The following NF1 variants were observed in gnomAD, a reference collection of about 807,000 sequenced individuals.
NF1 encodes the protein neurofibromin.
NF1 carries 122 observed loss-of-function variants against 325.7 expected under a neutral mutation model. The observed-to-expected ratio is 0.37, with a 90% CI of 0.32 to 0.44. The LOEUF (loss-of-function observed/expected upper bound fraction) is 0.44, where lower values mean the gene tolerates loss of function less well. Ranked by LOEUF, NF1 falls within the 20% of genes least tolerant of loss-of-function variation. The pLI is 1.00. For synonymous variants in NF1, 1,091 were observed against 1,186.0 expected (o/e 0.92, Z 1.65); for missense variants, 2,140 against 3,415.4 (o/e 0.63, Z 9.31).
At chr17:31,296,920 A>C (rs1212872088) in intron 36 of NF1, 1 of 153,186 alleles carries the variant, frequency 6.5e-6, no homozygotes, top group Non-Finnish European at 1.5e-5. Flanking sequence ...TAAACCTCAC[A>C]TTTTATAAAG....
At chr17:31,326,441 A>G (rs2069344218) in intron 37 of NF1, among the ~76,000 whole-genome samples, 189 bp downstream of exon 37, 1 of 152,170 alleles carries the variant, frequency 6.6e-6, no homozygotes, top group Admixed American at 6.5e-5. Flanking sequence ...TGAGGTCAGG[A>G]GTTCAAGACC....
chr17:31,185,067 T>G (rs2066214401), intron 8 of NF1, among the ~76,000 whole-genome samples: 2 of 152,232 alleles, frequency 1.3e-5, no homozygotes, highest in Admixed American at 1.3e-4. Context: ...TGAGCCATGC[T>G]GCCATCAGCC....
intron 36 of NF1, chr17:31,318,903 A>C: frequency 6.2e-7 from 1 of 1,614,084 alleles, no homozygotes; most frequent in Middle Eastern, 1.6e-4. Flanking sequence ...AAGTACTGTT[A>C]GCCCACAGAC....
chr17:31,230,044 G>A (rs2151431043), intron 22 of NF1, 70 bp downstream of exon 22: 1 of 1,570,794 alleles, frequency 6.4e-7, no homozygotes, highest in Non-Finnish European at 8.7e-7. Context: ...CACTGATACT[G>A]GTAGTAATTG....
At chr17:31,337,004 G>A in intron 42 of NF1, 90 bp downstream of exon 42, 4 of 1,385,442 alleles carry the variant, frequency 2.9e-6, no homozygotes, top group Admixed American at 1.8e-5. Flanking sequence ...TTATGTTTGT[G>A]CTCTAACACC....
chr17:31,107,022 C>A (rs1011748958), intron 1 of NF1, among the ~76,000 whole-genome samples: 2 of 152,008 alleles, frequency 1.3e-5, no homozygotes, highest in African/African-American at 4.8e-5. Flanking sequence ...ATGAAGATTC[C>A]TGGATGTGGT....
intron 51 of NF1, among the ~76,000 whole-genome samples, chr17:31,355,461 T>G (rs570864510): frequency 6.6e-6 from 1 of 152,204 alleles, no homozygotes; most frequent in South Asian, 2.1e-4. Context: ...CTATTATGAA[T>G]AGTTATTCAT....
Position 31,096,136 on chromosome 17 carries a change from C to A in NF1, c.60+767C>A, listed in dbSNP as rs371722211. 6.0e-5 allele frequency among the ~76,000 whole-genome samples: 9 copies of A among 151,236 alleles called. No individual in the cohort carries two copies. The East Asian group carries it at 1.2e-3, about 20-fold the overall frequency. On this transcript the variant is annotated intron_variant, in intron 1 of 57. Coordinates refer to ENST00000358273, the MANE Select transcript of NF1 (RefSeq NM_001042492.3). Reference sequence around the variant, plus strand: ...CCTTGATAATTGCAGTCTCTTCCCCCCCCCCTTTTTTTTTTGCCAGCGGTC... The same window carrying A: ...CCTTGATAATTGCAGTCTCTTCCCCACCCCCTTTTTTTTTTGCCAGCGGTC...
Position 31,327,742 on chromosome 17 carries a change from T to TCTATCCCCCAA in NF1, c.5514_5524dup (p.His1842LeufsTer25). The TCTATCCCCCAA allele has an allele frequency of 6.2e-7, 1 of 1,614,136 alleles. No homozygotes were observed. The highest frequency in any genetic ancestry group is 8.5e-7 in the Non-Finnish European group (1 of 1,179,982). ...CCGCTGGGAACTGTCACAGCCCGACTCTATCCCCCAACACACCAAGATTCG... is the reference window on the plus strand; with the variant it reads ...CCGCTGGGAACTGTCACAGCCCGACTCTATCCCCCAACTATCCCCCAACACACCAAGATTCG... On this transcript the variant is annotated frameshift_variant, in exon 38 of 58. Coordinates refer to ENST00000358273, the MANE Select transcript of NF1 (RefSeq NM_001042492.3). LOFTEE classifies it high-confidence loss of function.
intron 1 of NF1, among the ~76,000 whole-genome samples, chr17:31,141,300 G>A (rs1234402216): frequency 6.7e-6 from 1 of 149,148 alleles, no homozygotes; most frequent in Non-Finnish European, 1.5e-5. Flanking sequence ...CATAGAAGGT[G>A]TTAATCTTGT....
chr17:31,218,980 T>A (rs781179983), intron 13 of NF1, 25 bp from the exon 14 acceptor site: 1 of 1,588,972 alleles, frequency 6.3e-7, no homozygotes, highest in Admixed American at 1.7e-5. Flanking sequence ...TTTTTTTAAT[T>A]GAAGTTTCCT....
At chr17:31,302,456 A>T (rs1428300663) in intron 36 of NF1, among the ~76,000 whole-genome samples, 1 of 152,210 alleles carries the variant, frequency 6.6e-6, no homozygotes, top group African/African-American at 2.4e-5. Flanking sequence ...ATAAAAACAT[A>T]TCTTATTTAC....
chr17:31,138,167 G>GTA (rs1915917344), intron 1 of NF1: 2 of 151,884 alleles, frequency 1.3e-5, no homozygotes, highest in South Asian at 4.2e-4. Context: ...GATTACTCAT[G>GTA]TAATGTTTTA....
chr17:31,127,932 G>A (rs1257932253), intron 1 of NF1, among the ~76,000 whole-genome samples: 1 of 150,922 alleles, frequency 6.6e-6, no homozygotes, highest in Admixed American at 6.6e-5. Context: ...TATTTTTTTT[G>A]TACATTGACC....
Position 31,330,487 on chromosome 17 carries a change from T to G in NF1, c.5801T>G (p.Phe1934Cys), listed in dbSNP as rs2151544987. The change falls in exon 39 of 58, where the codon TTT becomes TGT. Residue 1934 changes from phenylalanine (F) to cysteine (C), a missense_variant. This residue lies in a region of NF1 where 180 missense variants were observed against 435.1 expected (regional missense o/e 0.41). Transcript: ENST00000358273. ...TTTTTGGAAGAGTGTATTTCTGGAT[T>G]TAGCAAATCTAGTAAGTAATGATAA... ...LEFLEECISG[F>C]SKSSIELKHL... 1 of 1,609,302 alleles carries G rather than the reference T, an allele frequency of 6.2e-7. No homozygotes were observed. Among genetic ancestry groups the G allele is most frequent in the Non-Finnish European group, 8.5e-7 (1 of 1,175,750 alleles).
intron 8 of NF1, 24 bp downstream of exon 8, chr17:31,182,689 A>G: frequency 6.2e-7 from 1 of 1,604,602 alleles, no homozygotes; most frequent in Non-Finnish European, 8.5e-7. Context: ...AATTATTTCC[A>G]TTATATCTAG....
chr17:31,269,454 T>C (rs549603694), intron 36 of NF1, among the ~76,000 whole-genome samples: 11 of 152,208 alleles, frequency 7.2e-5, no homozygotes, highest in South Asian at 4.1e-4. Context: ...GAATAAATGA[T>C]GATACATTTA....
chr17:31,117,131 C>T (rs1480918850), intron 1 of NF1, among the ~76,000 whole-genome samples: 4 of 151,636 alleles, frequency 2.6e-5, no homozygotes, highest in Non-Finnish European at 2.9e-5. Context: ...ACAGGCGTGC[C>T]GCCACGCCTG....
At chr17:31,173,611 AAG>A (rs2065969772) in intron 5 of NF1, among the ~76,000 whole-genome samples, 1 of 151,458 alleles carries the variant, frequency 6.6e-6, no homozygotes, top group African/African-American at 2.4e-5. Flanking sequence ...AAAAAAAAAA[AAG>A]AAATGGAATA....
Sources: allele counts gnomAD v4.1 joint callset (sites outside exome capture counted in the v4.1 genomes callset), GRCh38; gene constraint gnomAD v4.1.1; regional missense constraint gnomAD v4.1.1; transcripts MANE v1.5; gene names NCBI Gene and HGNC (gene_info 2026-07-23, HGNC 2026-07-21).